Variants in CTNNA3 observed in about 807,000 individuals in gnomAD.
The protein encoded by CTNNA3 is catenin alpha 3, also known as catenin alpha-3.
CTNNA3 carries 76 observed loss-of-function variants against 95.7 expected under a neutral mutation model. That is an observed-to-expected ratio of 0.79 (90% CI 0.66 to 0.96). The LOEUF is 0.96. Among genes scored for constraint, CTNNA3 ranks in the 40% least tolerant of loss-of-function variants. CTNNA3 has a pLI of 0.00. For synonymous variants in CTNNA3, 431 were observed against 374.4 expected, an observed-to-expected ratio of 1.15 and a Z score of -1.74; for missense variants, 1,191 against 1,089.8, an observed-to-expected ratio of 1.09 and a Z score of -1.31.
At chr10:66,131,835 A>G (rs1449578158) in intron 13 of CTNNA3, among the ~76,000 whole-genome samples, 1 of 152,242 alleles carries the variant, frequency 6.6e-6, no homozygotes, top group African/African-American at 2.4e-5. Context: ...GTGCTGGGAT[A>G]ACAGGCTAGG....
intron 7 of CTNNA3, among the ~76,000 whole-genome samples, chr10:67,175,862 G>A (rs1862216534): frequency 6.6e-6 from 1 of 152,062 alleles, no homozygotes; most frequent in South Asian, 2.1e-4. Flanking sequence ...ACCAATTACA[G>A]AAAGATCACC....
chr10:66,301,474 T>A (rs2132229299), intron 12 of CTNNA3, among the ~76,000 whole-genome samples: 1 of 151,986 alleles, frequency 6.6e-6, no homozygotes, highest in Non-Finnish European at 1.5e-5. Context: ...TATATACTAA[T>A]TCTTTTAGTA....
chr10:66,422,270 T>C (rs2093202374), intron 11 of CTNNA3, among the ~76,000 whole-genome samples: 1 of 152,100 alleles, frequency 6.6e-6, no homozygotes, highest in South Asian at 2.1e-4. Flanking sequence ...GATTTGAAAA[T>C]ATATATTAAT....
chr10:65,915,245 A>G lies in CTNNA3; in HGVS notation c.*5085T>C, dbSNP rs1251238074. On this transcript the variant is annotated 3_prime_UTR_variant, in exon 18 of 18. Transcript: ENST00000433211. ...CTGAATTTCTGTTTCTCAACTTGCA[A>G]ACAATATTACTAAATCATGCTCAAA... The G allele has an allele frequency of 6.6e-6, 1 of 152,128 alleles. No homozygotes were observed. Among genetic ancestry groups the G allele is most frequent in the Non-Finnish European group, 1.5e-5 (1 of 68,008 alleles). The allele number at this position is 152,128 out of a possible 1,614,324, so 9.4% of individuals were successfully genotyped here.
intron 15 of CTNNA3, among the ~76,000 whole-genome samples, chr10:66,000,700 T>C (rs1458598309): frequency 6.6e-6 from 1 of 152,150 alleles, no homozygotes; most frequent in African/African-American, 2.4e-5. Context: ...GTTAGCACAT[T>C]CAGCATTTTC....
intron 7 of CTNNA3, among the ~76,000 whole-genome samples, chr10:67,171,783 A>G (rs1862032852): frequency 6.6e-6 from 1 of 152,100 alleles, no homozygotes; most frequent in Admixed American, 6.6e-5. Context: ...AAATAAAAAG[A>G]TAAATTAATA....
At chr10:66,475,439 AT>A (rs1444621905) in intron 11 of CTNNA3, among the ~76,000 whole-genome samples, 3 of 151,860 alleles carry the variant, frequency 2.0e-5, no homozygotes, top group Non-Finnish European at 4.4e-5. Flanking sequence ...GGTTGCAAAA[AT>A]TTTTTCCCAT....
chr10:66,541,660 C>G (rs1841855969), intron 10 of CTNNA3, among the ~76,000 whole-genome samples: 1 of 152,048 alleles, frequency 6.6e-6, no homozygotes, highest in Non-Finnish European at 1.5e-5. Context: ...GTGGTCTGGT[C>G]TTGACATTCT....
intron 10 of CTNNA3, among the ~76,000 whole-genome samples, chr10:66,617,540 A>C (rs1844566994): frequency 6.6e-6 from 1 of 152,202 alleles, no homozygotes; most frequent in Admixed American, 6.6e-5. Flanking sequence ...TCAATAAATC[A>C]GGTATTGATG....
intron 9 of CTNNA3, among the ~76,000 whole-genome samples, chr10:66,738,334 G>GT (rs1416046061): frequency 6.6e-6 from 1 of 152,034 alleles, no homozygotes; most frequent in African/African-American, 2.4e-5. Context: ...AGCTGATTCT[G>GT]TTTTTACCAC....
chr10:67,623,307 C>T, intron 2 of CTNNA3, among the ~76,000 whole-genome samples: 1 of 152,180 alleles, frequency 6.6e-6, no homozygotes, highest in East Asian at 1.9e-4. Flanking sequence ...TCTCTCCCTG[C>T]TACCTGAAAG....
At chr10:66,504,965 G>C (rs1016759974) in intron 11 of CTNNA3, among the ~76,000 whole-genome samples, 3 of 152,136 alleles carry the variant, frequency 2.0e-5, no homozygotes, top group Admixed American at 6.5e-5. Flanking sequence ...ATATTGTTAT[G>C]CAAGTCTAAA....
chr10:66,476,266 G>A (rs1298193671), intron 11 of CTNNA3, among the ~76,000 whole-genome samples: 2 of 151,846 alleles, frequency 1.3e-5, no homozygotes, highest in African/African-American at 4.8e-5. Flanking sequence ...ATGAATGCTG[G>A]GCTTAATATT....
chr10:65,967,994 A>G (rs1424521653), intron 16 of CTNNA3, among the ~76,000 whole-genome samples: 2 of 152,228 alleles, frequency 1.3e-5, no homozygotes, highest in Non-Finnish European at 2.9e-5. Flanking sequence ...CTCAGTATCA[A>G]GAAAATAGAG....
At chr10:66,421,202 G>A (rs1340388844) in intron 11 of CTNNA3, among the ~76,000 whole-genome samples, 1 of 151,848 alleles carries the variant, frequency 6.6e-6, no homozygotes, top group Admixed American at 6.6e-5. Flanking sequence ...GAACTAAAAA[G>A]ATTGATCTGA....
intron 7 of CTNNA3, among the ~76,000 whole-genome samples, chr10:67,093,216 A>G (rs912324285): frequency 2.6e-5 from 4 of 151,970 alleles, no homozygotes; most frequent in African/African-American, 9.7e-5. Flanking sequence ...ATGCCTTATT[A>G]GATTTAAATT....
At chr10:67,059,744 A>G (rs1272763534) in intron 7 of CTNNA3, among the ~76,000 whole-genome samples, 1 of 152,182 alleles carries the variant, frequency 6.6e-6, no homozygotes, top group African/African-American at 2.4e-5. Flanking sequence ...CTGAAAATGC[A>G]TAATGAACTT....
chr10:65,974,056 G>A (rs2078162220), intron 16 of CTNNA3, among the ~76,000 whole-genome samples: 1 of 152,102 alleles, frequency 6.6e-6, no homozygotes, highest in African/African-American at 2.4e-5. Context: ...TCTCACACCA[G>A]TCAGAATGGC....
chr10:67,747,318 C>T (rs908444381), intron 1 of CTNNA3, among the ~76,000 whole-genome samples: 8 of 152,206 alleles, frequency 5.3e-5, no homozygotes, highest in Admixed American at 3.3e-4. Flanking sequence ...ATCCCATGCC[C>T]CCCAACAGGG....
Sources: gnomAD v4.1 joint callset for allele counts (sites outside exome capture counted in the v4.1 genomes callset) on GRCh38, gnomAD v4.1.1 for gene constraint, MANE v1.5 for transcripts, NCBI Gene and HGNC (gene_info 2026-07-23, HGNC 2026-07-21) for gene names.